ST8SIA6: variants seen among roughly 807,000 people sequenced by gnomAD.
The protein encoded by ST8SIA6 is ST8 alpha-N-acetyl-neuraminide alpha-2,8-sialyltransferase 6, also known as alpha-2,8-sialyltransferase 8F.
ST8SIA6 carries 39 observed loss-of-function variants against 33.6 expected under a neutral mutation model. The ratio of observed to expected loss-of-function variants is 1.16; its 90% CI spans 0.90 to 1.52. The LOEUF (loss-of-function observed/expected upper bound fraction) is 1.52. Ranked by LOEUF, ST8SIA6 falls within the 40% of genes most tolerant of loss-of-function variation. The probability of loss-of-function intolerance (pLI) is 0.00; values close to 1 mark genes in which losing one functional copy is unlikely to be tolerated. For synonymous variants in ST8SIA6, 172 were observed against 167.2 expected, an observed-to-expected ratio of 1.03 and a Z score of -0.22; for missense variants, 441 against 443.8, an observed-to-expected ratio of 0.99 and a Z score of 0.06.
At chr10:17,380,853 T>TGTA (rs1564433225) in intron 3 of ST8SIA6, among the ~76,000 whole-genome samples, 7 of 86,316 alleles carry the variant, frequency 8.1e-5, no homozygotes, top group African/African-American at 2.5e-4. Context: ...GTTTGTGTGT[T>TGTA]TGTGTGTATG....
intron 4 of ST8SIA6, among the ~76,000 whole-genome samples, chr10:17,333,717 A>AGATATATATATATATTTTT (rs1848406704): frequency 8.9e-5 from 3 of 33,754 alleles, no homozygotes; most frequent in African/African-American, 5.2e-4. Context: ...ATATATATAT[A>AGATATATATATATATTTTT]TTTTTTTTTT....
At chr10:17,415,854 G>C (rs11254582) in intron 2 of ST8SIA6, among the ~76,000 whole-genome samples, 1 of 137,406 alleles carries the variant, frequency 7.3e-6, no homozygotes, top group Non-Finnish European at 1.5e-5. Flanking sequence ...CTGTCACCCA[G>C]GCTGGAGTGC....
intron 4 of ST8SIA6, among the ~76,000 whole-genome samples, chr10:17,353,864 A>G (rs906717977): frequency 2.6e-5 from 4 of 152,208 alleles, no homozygotes; most frequent in Admixed American, 1.3e-4. Flanking sequence ...CGATGTCTAT[A>G]AAAATCAAAT....
intron 2 of ST8SIA6, among the ~76,000 whole-genome samples, chr10:17,427,255 A>C (rs147816774): frequency 6.6e-6 from 1 of 152,238 alleles, no homozygotes; most frequent in African/African-American, 2.4e-5. Context: ...AGCATGTATC[A>C]AAGTCATTAG....
chr10:17,333,694 TATATATATATATATATA>T (rs1564404879), intron 4 of ST8SIA6, among the ~76,000 whole-genome samples: 7 of 25,758 alleles, frequency 2.7e-4, no homozygotes, highest in East Asian at 3.7e-3. Flanking sequence ...TATATATATA[TATATATATATATATATA>T]TATATATTTT....
At chr10:17,354,991 C>CCACA (rs1849148632) in intron 4 of ST8SIA6, among the ~76,000 whole-genome samples, 1 of 151,982 alleles carries the variant, frequency 6.6e-6, no homozygotes, top group African/African-American at 2.4e-5. Flanking sequence ...GTTCTCAGAC[C>CCACA]CACAATTAAG....
At chr10:17,443,913 TAG>T (rs898555500) in intron 2 of ST8SIA6, among the ~76,000 whole-genome samples, 11 of 152,172 alleles carry the variant, frequency 7.2e-5, no homozygotes, top group African/African-American at 2.7e-4. Context: ...CTCGCACCCT[TAG>T]ATCACAGAAC....
At chr10:17,344,854 G>A (rs1161714788) in intron 4 of ST8SIA6, among the ~76,000 whole-genome samples, 1 of 152,186 alleles carries the variant, frequency 6.6e-6, no homozygotes, top group Non-Finnish European at 1.5e-5. Flanking sequence ...GAAAATCCAT[G>A]CCCAGGCAAC....
At chr10:17,324,803 A>G (rs1848069215) in intron 6 of ST8SIA6, among the ~76,000 whole-genome samples, 1 of 142,476 alleles carries the variant, frequency 7.0e-6, no homozygotes, top group Non-Finnish European at 1.5e-5. Context: ...CATGTATTAT[A>G]TATGTACATG....
intron 2 of ST8SIA6, among the ~76,000 whole-genome samples, chr10:17,442,084 G>A (rs887089515): frequency 1.4e-4 from 22 of 151,846 alleles, no homozygotes; most frequent in African/African-American, 4.6e-4. Flanking sequence ...GGCCAGGCTG[G>A]TTTCAAACTC....
At chr10:17,385,315 T>C (rs1365543803) in intron 3 of ST8SIA6, among the ~76,000 whole-genome samples, 3 of 152,240 alleles carry the variant, frequency 2.0e-5, no homozygotes, top group Non-Finnish European at 4.4e-5. Flanking sequence ...TTCCTGCCTT[T>C]GCTTCAAGTT....
chr10:17,417,388 A>G (rs1564454678), intron 2 of ST8SIA6, among the ~76,000 whole-genome samples: 1 of 152,048 alleles, frequency 6.6e-6, no homozygotes, highest in East Asian at 1.9e-4. Context: ...CTTCTCAAAT[A>G]TGCCATGTTT....
chr10:17,362,230 T>C (rs938962201), intron 3 of ST8SIA6, among the ~76,000 whole-genome samples: 2 of 152,188 alleles, frequency 1.3e-5, no homozygotes, highest in African/African-American at 2.4e-5. Context: ...TATTCAGAGA[T>C]GACATAATCA....
intron 3 of ST8SIA6, among the ~76,000 whole-genome samples, chr10:17,369,288 A>T (rs1389431073): frequency 6.6e-6 from 1 of 152,084 alleles, no homozygotes; most frequent in Non-Finnish European, 1.5e-5. Context: ...CATTCATCTT[A>T]AAGTATTTTC....
chr10:17,371,214 G>C (rs1849721417), intron 3 of ST8SIA6, among the ~76,000 whole-genome samples: 2 of 152,190 alleles, frequency 1.3e-5, no homozygotes. Context: ...AAAGTGCAAA[G>C]TTGAGAGGGA....
intron 3 of ST8SIA6, among the ~76,000 whole-genome samples, chr10:17,376,003 G>A (rs1299172244): frequency 6.6e-6 from 1 of 152,120 alleles, no homozygotes. Flanking sequence ...CCTTTCTGTA[G>A]TACACACTTG....
chr10:17,426,528 T>C (rs1476179365), intron 2 of ST8SIA6, among the ~76,000 whole-genome samples: 1 of 152,194 alleles, frequency 6.6e-6, no homozygotes, highest in East Asian at 1.9e-4. Flanking sequence ...CAGTCATTAA[T>C]TGAAGGCTGC....
chr10:17,322,118 GAGAGAGGA>G (rs1304747472), intron 7 of ST8SIA6, among the ~76,000 whole-genome samples: 1 of 148,062 alleles, frequency 6.8e-6, no homozygotes, highest in African/African-American at 2.6e-5. Flanking sequence ...GAGAGAGAGA[GAGAGAGGA>G]AGGAAGGAAG....
chr10:17,401,985 G>A (rs952085221), intron 2 of ST8SIA6, among the ~76,000 whole-genome samples: 1 of 152,182 alleles, frequency 6.6e-6, no homozygotes, highest in Non-Finnish European at 1.5e-5. Flanking sequence ...TACCATCAGA[G>A]TGAAGAGGCA....
Sources: allele counts gnomAD v4.1 joint callset (sites outside exome capture counted in the v4.1 genomes callset), GRCh38; gene constraint gnomAD v4.1.1; transcripts MANE v1.5; gene names NCBI Gene and HGNC (gene_info 2026-07-23, HGNC 2026-07-21).